Variants in ROBO2 observed in about 807,000 individuals in gnomAD.
ROBO2 encodes the protein roundabout homolog 2.
In ROBO2, 53 loss-of-function variants were observed where a neutral mutation model predicts 160.8. The ratio of observed to expected loss-of-function variants is 0.33; its 90% CI spans 0.26 to 0.41. The LOEUF is 0.41. ROBO2 is among the 10% of genes least tolerant of loss of function. The probability of loss-of-function intolerance (pLI) is 1.00; values close to 1 mark genes in which losing one functional copy is unlikely to be tolerated. For synonymous variants in ROBO2, 664 were observed against 611.7 expected (o/e 1.09, Z -1.26); for missense variants, 1,577 against 1,722.4 (o/e 0.92, Z 1.49).
At chr3:76,442,659 G>GCT (rs2076980453) in intron 2 of ROBO2, among the ~76,000 whole-genome samples, 1 of 152,080 alleles carries the variant, frequency 6.6e-6, no homozygotes, top group Non-Finnish European at 1.5e-5. Context: ...CAAATTGCAT[G>GCT]CTCTTCTGAG....
At chr3:75,955,221 A>G (rs1205234806) in intron 2 of ROBO2, among the ~76,000 whole-genome samples, 2 of 151,836 alleles carry the variant, frequency 1.3e-5, no homozygotes, top group South Asian at 2.1e-4. Flanking sequence ...TAGGTTTAAT[A>G]TCATTATTTA....
rs139536137 is a variant in ROBO2 at position 77,014,430 on chromosome 3, C to T, written c.110-83584C>T. Among the ~76,000 whole-genome samples, 76 of 152,262 alleles carry T rather than the reference C, an allele frequency of 5.0e-4. 1 individual carries two copies. In the East Asian group the frequency reaches 7.2e-3, roughly 14 times the overall value. On this transcript the variant is annotated intron_variant, in intron 2 of 26. Coordinates refer to the ROBO2 transcript ENST00000487694. ...GGGCTATGCTTGAATAGAGATCTGA[C>T]GGAGATACTCATAAGGTGAACTGCG...
intron 2 of ROBO2, among the ~76,000 whole-genome samples, chr3:76,169,015 A>G (rs13326871): frequency 0.046 from 7,032 of 152,074 alleles, 369 homozygotes; most frequent in East Asian, 0.22. Context: ...ACTATCTAAA[A>G]TTAAGGTGCA....
Position 76,849,749 on chromosome 3 carries a change from CTATT to C in ROBO2, c.110-248260_110-248257del, listed in dbSNP as rs1249729699. ...TTATTAGAAGCAGGTAGTGGGCACT[CTATT>C]TATTGGTAAGAGTTGTAGGAGCAGT... On this transcript the variant is annotated intron_variant, in intron 2 of 26. Coordinates refer to the ROBO2 transcript ENST00000487694. 2.6e-5 allele frequency among the ~76,000 whole-genome samples: 4 copies of C among 152,228 alleles called. No homozygotes were observed. The East Asian group carries it at 5.8e-4, about 22-fold the overall frequency.
At chr3:77,211,026 G>A (rs557622685) in intron 2 of ROBO2, among the ~76,000 whole-genome samples, 13 of 152,222 alleles carry the variant, frequency 8.5e-5, no homozygotes, top group South Asian at 4.1e-4. Flanking sequence ...CTTTGCTATC[G>A]TGAATAGTGC....
At chr3:77,103,180 C>A (rs1274003904) in intron 2 of ROBO2, among the ~76,000 whole-genome samples, 1 of 152,130 alleles carries the variant, frequency 6.6e-6, no homozygotes, top group African/African-American at 2.4e-5. Flanking sequence ...GCAGCTGTAG[C>A]CCCAGGTGGC....
At chr3:76,515,120 G>A (rs1430443663) in intron 2 of ROBO2, among the ~76,000 whole-genome samples, 1 of 152,090 alleles carries the variant, frequency 6.6e-6, no homozygotes, top group African/African-American at 2.4e-5. Context: ...AACTATCTGT[G>A]TTCTAAAATG....
At chr3:76,200,638 C>T (rs137863745) in intron 2 of ROBO2, among the ~76,000 whole-genome samples, 22 of 152,262 alleles carry the variant, frequency 1.4e-4, no homozygotes, top group East Asian at 7.7e-4. Flanking sequence ...TCTCTGTTAA[C>T]AAAGGCTACA....
chr3:76,065,756 C>T (rs1471995), intron 2 of ROBO2, among the ~76,000 whole-genome samples: 3,661 of 64,832 alleles, frequency 0.056, 64 homozygotes, highest in East Asian at 0.14. Flanking sequence ...TATATATACA[C>T]ACACACACAC....
chr3:76,421,941 G>A (rs981532350), intron 2 of ROBO2, among the ~76,000 whole-genome samples: 2 of 152,052 alleles, frequency 1.3e-5, no homozygotes, highest in African/African-American at 4.8e-5. Flanking sequence ...TCTGCCAGTT[G>A]TTTACATTCC....
intron 2 of ROBO2, among the ~76,000 whole-genome samples, chr3:76,302,346 T>C (rs1406596569): frequency 6.6e-6 from 1 of 152,120 alleles, no homozygotes; most frequent in African/African-American, 2.4e-5. Flanking sequence ...TTCTAAATAG[T>C]AAAGTTAACT....
rs73844058 is a variant in ROBO2 at position 76,764,886 on chromosome 3, C to T, written c.110-333128C>T. Among the ~76,000 whole-genome samples the T allele has an allele frequency of 1.6e-3, 241 of 151,766 alleles. 1 individual carries two copies. The highest frequency in any genetic ancestry group is 5.3e-3 in the African/African-American group (222 of 41,512). ...TATTTTGCCTTTCTTGATAGACTTG[C>T]TGGCAAGTTTTAATTTTTTTTAATT... On this transcript the variant is annotated intron_variant, in intron 2 of 26. Transcript: ENST00000487694.
At chr3:77,628,436 C>T (rs2095080820) in intron 23 of ROBO2, among the ~76,000 whole-genome samples, 2 of 114,350 alleles carry the variant, frequency 1.7e-5, no homozygotes, top group South Asian at 6.8e-4. Flanking sequence ...TCTTCTCTCT[C>T]TCTCTTTTTG....
chr3:76,525,997 C>A (rs2081928958), intron 2 of ROBO2, among the ~76,000 whole-genome samples: 1 of 151,706 alleles, frequency 6.6e-6, no homozygotes, highest in Non-Finnish European at 1.5e-5. Context: ...ATTCAGCAGG[C>A]AGTGGAGAGA....
At chr3:76,665,652 C>T (rs1473186538) in intron 2 of ROBO2, among the ~76,000 whole-genome samples, 11 of 151,316 alleles carry the variant, frequency 7.3e-5, no homozygotes, top group Non-Finnish European at 1.5e-4. Context: ...TCAGCCTCTC[C>T]TAAGGAAGTT....
At chr3:76,392,554 G>C (rs1245548967) in intron 2 of ROBO2, among the ~76,000 whole-genome samples, 1 of 152,018 alleles carries the variant, frequency 6.6e-6, no homozygotes, top group African/African-American at 2.4e-5. Flanking sequence ...TAAGAAATCT[G>C]GTAAAATGTT....
chr3:77,059,800 C>T (rs2066111133), intron 1 of ROBO2, among the ~76,000 whole-genome samples: 1 of 152,120 alleles, frequency 6.6e-6, no homozygotes, highest in South Asian at 2.1e-4. Context: ...ACTCATACGT[C>T]ATGACATCAG....
chr3:76,600,717 G>A (rs538400110), intron 2 of ROBO2, among the ~76,000 whole-genome samples: 16 of 152,234 alleles, frequency 1.1e-4, no homozygotes, highest in African/African-American at 3.1e-4. Context: ...AATTCAAGAT[G>A]AAATTTGGGT....
At chr3:76,028,802 T>G (rs538110989) in intron 2 of ROBO2, among the ~76,000 whole-genome samples, 1 of 152,034 alleles carries the variant, frequency 6.6e-6, no homozygotes, top group East Asian at 1.9e-4. Flanking sequence ...AAATTTGCAT[T>G]GAAAAATGCC....
Sources: allele counts gnomAD v4.1 joint callset (sites outside exome capture counted in the v4.1 genomes callset), GRCh38; gene constraint gnomAD v4.1.1; transcripts MANE v1.5; gene names NCBI Gene and HGNC (gene_info 2026-07-23, HGNC 2026-07-21).